ASB18: variants seen among roughly 807,000 people sequenced by gnomAD.
The protein encoded by ASB18 is ankyrin repeat and SOCS box containing 18.
ASB18 carries 33 observed loss-of-function variants against 33.4 expected under a neutral mutation model. The observed-to-expected ratio is 0.99, with a 90% CI of 0.75 to 1.32. The LOEUF is 1.32. ASB18 is among the 40% of genes most tolerant of loss of function. The probability of loss-of-function intolerance (pLI) is 0.00; values close to 1 mark genes in which losing one functional copy is unlikely to be tolerated. For synonymous variants in ASB18, 295 were observed against 307.6 expected (o/e 0.96, Z 0.43); for missense variants, 694 against 655.5 (o/e 1.06, Z -0.64).
chr2:236,229,653 C>A lies in ASB18; in HGVS notation c.596+8036G>T, dbSNP rs1258178874. The stretch of plus-strand genomic sequence containing the variant: ...GGTCAGGGGTTCAAGACTAACCTGG[C>A]CAACATGGTGAAATCCTGGCTCTAC... On this transcript the variant is annotated intron_variant, in intron 3 of 5. Coordinates refer to ENST00000409749, the MANE Select transcript of ASB18 (RefSeq NM_212556.4). The surrounding 1 kb of genome is among the most constrained non-coding windows in gnomAD (Gnocchi z 5.2). Among the ~76,000 whole-genome samples the A allele has an allele frequency of 6.6e-6, 1 of 151,998 alleles. No individual in the cohort carries two copies. The highest frequency in any genetic ancestry group is 1.9e-4 in the East Asian group (1 of 5,176).
In ASB18 at chr2:236,237,454, A is replaced by C. The variant is rs1471038425; in HGVS notation, c.596+235T>G. On this transcript the variant is annotated intron_variant, in intron 3 of 5. Transcript: ENST00000409749. The surrounding 1 kb of genome is among the most constrained non-coding windows in gnomAD (Gnocchi z 6.2). The stretch of plus-strand genomic sequence containing the variant: ...CGCGGGGCGAGGGCCGGGAGGTGCC[A>C]GGTCTGGGGTCCCGGGTCAGGGATC... Among the ~76,000 whole-genome samples, 1 of 145,894 alleles carries C rather than the reference A, an allele frequency of 6.9e-6. No individual in the cohort carries two copies. Among genetic ancestry groups the C allele is most frequent in the Non-Finnish European group, 1.5e-5 (1 of 66,238 alleles).
In ASB18 at chr2:236,260,255, A is replaced by G. The variant is rs1352663379; in HGVS notation, c.205+3886T>C. Reference sequence around the variant, plus strand: ...TTCTTTCCCCCAGGTACTTTTGCCAACATGACCCTCGACTCTTGCCTTCTC... The same window carrying G: ...TTCTTTCCCCCAGGTACTTTTGCCAGCATGACCCTCGACTCTTGCCTTCTC... On this transcript the variant is annotated intron_variant, in intron 1 of 5. Transcript: ENST00000409749. This position sits in a 1 kb window ranked among gnomAD's most constrained non-coding sequence, Gnocchi z 5.1. Among the ~76,000 whole-genome samples the G allele has an allele frequency of 6.6e-6, 1 of 152,206 alleles. No homozygotes were observed. Among genetic ancestry groups the G allele is most frequent in the African/African-American group, 2.4e-5 (1 of 41,442 alleles).
Position 236,223,332 on chromosome 2 carries a change from A to ATTTC in ASB18, c.597-8470_597-8467dup. ...CCTTCCTCAGTAAGGCATGCATAAC[A>ATTTC]TTTCTTTCTCTTTCTCTCATCCCCT... On this transcript the variant is annotated intron_variant, in intron 3 of 5. Coordinates refer to ENST00000409749, the MANE Select transcript of ASB18 (RefSeq NM_212556.4). The surrounding 1 kb of genome is among the most constrained non-coding windows in gnomAD (Gnocchi z 4.6). 6.6e-6 allele frequency among the ~76,000 whole-genome samples: 1 copy of ATTTC among 152,152 alleles called. No homozygotes were observed. The highest frequency in any genetic ancestry group is 2.1e-4 in the South Asian group (1 of 4,816).
Position 236,214,500 on chromosome 2 carries a change from C to T in ASB18, c.963G>A (p.Ala321=). Residue 321 remains alanine (A), a synonymous_variant, in exon 4 of 6, where the codon GCG becomes GCA. Coordinates refer to ENST00000409749, the MANE Select transcript of ASB18 (RefSeq NM_212556.4). The surrounding 1 kb of genome is among the most constrained non-coding windows in gnomAD (Gnocchi z 6.5). The part of the protein sequence containing the change: ...LLLRHGADAG[A]LDYGGASPLG... ...GCGGCGAGGCCCCGCCATAGTCGAGCGCGCCCGCGTCGGCGCCGTGCCGCA... is the reference window on the plus strand; with the variant it reads ...GCGGCGAGGCCCCGCCATAGTCGAGTGCGCCCGCGTCGGCGCCGTGCCGCA... The T allele has an allele frequency of 1.3e-6, 2 of 1,496,480 alleles. No homozygotes were observed. The highest frequency in any genetic ancestry group is 1.8e-6 in the Non-Finnish European group (2 of 1,132,114). 92.7% of individuals were successfully genotyped at this position (1,496,480 alleles called of 1,614,324 possible). A position where few individuals can be genotyped will look rare whatever the true frequency, so the allele number is the denominator to read the frequency against.
rs1321868620 is a variant in ASB18 at position 236,238,022 on chromosome 2, C to G, written c.329-66G>C. On this transcript the variant is annotated intron_variant, in intron 2 of 5. Coordinates refer to ENST00000409749, the MANE Select transcript of ASB18 (RefSeq NM_212556.4). The surrounding 1 kb of genome is among the most constrained non-coding windows in gnomAD (Gnocchi z 5.2). Reference sequence around the variant, plus strand: ...AGTTGTGGTGGTGGTGGGCGGTGTTCCTTAAGGCGGAAAGAAAGTGAAGCC... The same window carrying G: ...AGTTGTGGTGGTGGTGGGCGGTGTTGCTTAAGGCGGAAAGAAAGTGAAGCC... The G allele has an allele frequency of 3.0e-6, 4 of 1,353,380 alleles. No individual in the cohort carries two copies. Among genetic ancestry groups the G allele is most frequent in the Admixed American group, 3.3e-5 (1 of 30,224 alleles). 83.8% of individuals were successfully genotyped at this position (1,353,380 alleles called of 1,614,324 possible). A position where few individuals can be genotyped will look rare whatever the true frequency, so the allele number is the denominator to read the frequency against.
Position 236,241,729 on chromosome 2 carries a change from C to A in ASB18, c.206-327G>T, listed in dbSNP as rs1462294834. Reference sequence around the variant, plus strand: ...CTGGGATGCCGCAGTACTCAGCCACCCTCTTTGTGATGATACAGATGCTAA... The same window carrying A: ...CTGGGATGCCGCAGTACTCAGCCACACTCTTTGTGATGATACAGATGCTAA... On this transcript the variant is annotated intron_variant, in intron 1 of 5. Coordinates refer to ENST00000409749, the MANE Select transcript of ASB18 (RefSeq NM_212556.4). The surrounding 1 kb of genome is among the most constrained non-coding windows in gnomAD (Gnocchi z 4.2). Among the ~76,000 whole-genome samples, 2 of 152,232 alleles carry A rather than the reference C, an allele frequency of 1.3e-5. No homozygotes were observed. Among genetic ancestry groups the A allele is most frequent in the South Asian group, 2.1e-4 (1 of 4,816 alleles).
rs1259578832 is a variant in ASB18 at position 236,205,118 on chromosome 2, AGAG to A, written c.1102-8736_1102-8734del. Among the ~76,000 whole-genome samples the A allele has an allele frequency of 6.6e-6, 1 of 152,224 alleles. No homozygotes were observed. The highest frequency in any genetic ancestry group is 1.5e-5 in the Non-Finnish European group (1 of 68,028). On this transcript the variant is annotated intron_variant, in intron 4 of 5. Transcript: ENST00000409749. The surrounding 1 kb of genome is among the most constrained non-coding windows in gnomAD (Gnocchi z 5.4). ...CATCTGCTTAACATGGCAGATGTTA[AGAG>A]GAGGATCTTTACAAAATATTGTTGG...
intron 4 of ASB18, among the ~76,000 whole-genome samples, chr2:236,206,445 A>T (rs1576395368): frequency 6.6e-6 from 1 of 152,300 alleles, no homozygotes; most frequent in Non-Finnish European, 1.5e-5. Context: ...CCATCTTGTG[A>T]CCATGAGGGA....
At position 236,264,178 on chromosome 2, in the gene ASB18, T is replaced by C; in HGVS notation, c.168A>G (p.Lys56=). Residue 56 remains lysine, a synonymous_variant, in exon 1 of 6, where the codon AAA becomes AAG. Transcript: ENST00000409749. This position sits in a 1 kb window ranked among gnomAD's most constrained non-coding sequence, Gnocchi z 5.1. The part of the protein sequence containing the change: ...VIELANDDWM[K]DPSAQLPTGM... Reference sequence around the variant, plus strand: ...CGGTGGGCAGCTGAGCCGAGGGGTCTTTCATCCAGTCGTCATTGGCCAGTT... The same window carrying C: ...CGGTGGGCAGCTGAGCCGAGGGGTCCTTCATCCAGTCGTCATTGGCCAGTT... The C allele has an allele frequency of 6.2e-7, 1 of 1,613,986 alleles. No homozygotes were observed. Among genetic ancestry groups the C allele is most frequent in the Non-Finnish European group, 8.5e-7 (1 of 1,179,902 alleles).
At chr2:236,198,589 A>G (rs946988948) in intron 4 of ASB18, among the ~76,000 whole-genome samples, 1 of 152,010 alleles carries the variant, frequency 6.6e-6, no homozygotes, top group Non-Finnish European at 1.5e-5. Context: ...GCTGGTCTTG[A>G]ACTCCTGACC....
chr2:236,244,628 C>A lies in ASB18; in HGVS notation c.206-3226G>T, dbSNP rs535820727. On this transcript the variant is annotated intron_variant, in intron 1 of 5. Coordinates refer to ENST00000409749, the MANE Select transcript of ASB18 (RefSeq NM_212556.4). The surrounding 1 kb of genome is among the most constrained non-coding windows in gnomAD (Gnocchi z 6.1). The stretch of plus-strand genomic sequence containing the variant: ...GACTCCCCCTACCCCTCGTCAAGTG[C>A]CCCCCGACCTCTGAGTGCCCAACCA... Among the ~76,000 whole-genome samples the A allele has an allele frequency of 5.1e-4, 77 of 152,138 alleles. No individual in the cohort carries two copies. Among genetic ancestry groups the A allele is most frequent in the African/African-American group, 1.8e-3 (74 of 41,488 alleles).
Position 236,196,075 on chromosome 2 carries a change from C to A in ASB18, c.1215+197G>T. 2 of 611,626 alleles carry A rather than the reference C, an allele frequency of 3.3e-6. No individual in the cohort carries two copies. Among genetic ancestry groups the A allele is most frequent in the Non-Finnish European group, 6.1e-6 (2 of 330,248 alleles). 37.9% of individuals were successfully genotyped at this position (611,626 alleles called of 1,614,324 possible). On this transcript the variant is annotated intron_variant, in intron 5 of 5. Transcript: ENST00000409749. This position sits in a 1 kb window ranked among gnomAD's most constrained non-coding sequence, Gnocchi z 5.6. Reference sequence around the variant, plus strand: ...CCTTGAGGCCATGGCACCGCAACTACTATAACAAGCTCCTGGCTGTGTGAT... The same window carrying A: ...CCTTGAGGCCATGGCACCGCAACTAATATAACAAGCTCCTGGCTGTGTGAT...
At position 236,234,278 on chromosome 2, in the gene ASB18, T is replaced by C. The variant is rs1375274941; in HGVS notation, c.596+3411A>G. Among the ~76,000 whole-genome samples, 1 of 152,174 alleles carries C rather than the reference T, an allele frequency of 6.6e-6. No individual in the cohort carries two copies. The highest frequency in any genetic ancestry group is 1.9e-4 in the East Asian group (1 of 5,186). On this transcript the variant is annotated intron_variant, in intron 3 of 5. Coordinates refer to ENST00000409749, the MANE Select transcript of ASB18 (RefSeq NM_212556.4). This position sits in a 1 kb window ranked among gnomAD's most constrained non-coding sequence, Gnocchi z 4.1. ...CCTAGGAGGCTGCTATGAGATGGTT[T>C]CTCAATGCCTTCTGGATCCTGAGGA...
At chr2:236,243,566 T>C (rs1025307933) in intron 1 of ASB18, among the ~76,000 whole-genome samples, 3 of 152,016 alleles carry the variant, frequency 2.0e-5, no homozygotes, top group Non-Finnish European at 4.4e-5. Flanking sequence ...GGAGGCTCCA[T>C]AGGACAGATG....
rs2060684339 is a variant in ASB18, at chr2:236,254,774, A to C, written c.205+9367T>G. On this transcript the variant is annotated intron_variant, in intron 1 of 5. Transcript: ENST00000409749. ...CAAGACCAGCCCTAGCTTCAAGGGAAGTGGGTGATCGGGTTTGGATTTGTG... is the reference window on the plus strand; with the variant it reads ...CAAGACCAGCCCTAGCTTCAAGGGACGTGGGTGATCGGGTTTGGATTTGTG... 2.6e-5 allele frequency among the ~76,000 whole-genome samples: 4 copies of C among 152,128 alleles called. No individual in the cohort carries two copies. In the South Asian group the frequency reaches 8.3e-4, roughly 32 times the overall value.
At position 236,214,165 on chromosome 2, in the gene ASB18, A is replaced by G; in HGVS notation, c.1101+197T>C. The G allele has an allele frequency of 5.0e-6, 3 of 601,482 alleles. No individual in the cohort carries two copies. The highest frequency in any genetic ancestry group is 8.5e-6 in the Non-Finnish European group (3 of 352,744). The allele number at this position is 601,482 out of a possible 1,614,324, so 37.3% of individuals were successfully genotyped here. A position where few individuals can be genotyped will look rare whatever the true frequency, so the allele number is the denominator to read the frequency against. ...AATGGGGTCCCAGGAACAGCAGTCTAGGCCACACCCGGGAGCTTGTTGGCA... is the reference window on the plus strand; with the variant it reads ...AATGGGGTCCCAGGAACAGCAGTCTGGGCCACACCCGGGAGCTTGTTGGCA... On this transcript the variant is annotated intron_variant, in intron 4 of 5. Coordinates refer to ENST00000409749, the MANE Select transcript of ASB18 (RefSeq NM_212556.4). This position sits in a 1 kb window ranked among gnomAD's most constrained non-coding sequence, Gnocchi z 6.5.
chr2:236,218,355 G>A (rs555825645), intron 3 of ASB18, among the ~76,000 whole-genome samples: 6 of 152,308 alleles, frequency 3.9e-5, no homozygotes, highest in Middle Eastern at 3.4e-3. Flanking sequence ...GCTGGTACAC[G>A]GTGGCAGTCA....
chr2:236,211,714 A>T lies in ASB18; in HGVS notation c.1101+2648T>A, dbSNP rs1342614682. On this transcript the variant is annotated intron_variant, in intron 4 of 5. Coordinates refer to ENST00000409749, the MANE Select transcript of ASB18 (RefSeq NM_212556.4). This position sits in a 1 kb window ranked among gnomAD's most constrained non-coding sequence, Gnocchi z 5.0. ...TCCCTGGAGGAGCGATTGCAGGGAG[A>T]CTGGGTGGAGGAAGAGGCTGCCTCT... Among the ~76,000 whole-genome samples, 1 of 152,170 alleles carries T rather than the reference A, an allele frequency of 6.6e-6. No individual in the cohort carries two copies. Among genetic ancestry groups the T allele is most frequent in the Admixed American group, 6.5e-5 (1 of 15,280 alleles).
chr2:236,240,992 G>C (rs561202948), intron 2 of ASB18, among the ~76,000 whole-genome samples: 1 of 152,162 alleles, frequency 6.6e-6, no homozygotes, highest in East Asian at 1.9e-4. Context: ...TGCAGGCACG[G>C]GCAGCTCCAC....
Sources: allele counts gnomAD v4.1 joint callset (sites outside exome capture counted in the v4.1 genomes callset), GRCh38; gene constraint gnomAD v4.1.1; non-coding constraint Gnocchi (gnomAD v3.1); transcripts MANE v1.5; gene names NCBI Gene and HGNC (gene_info 2026-07-23, HGNC 2026-07-21).